PLAGL1: variants seen among roughly 807,000 people sequenced by gnomAD.
PLAGL1 encodes zinc finger protein PLAGL1.
Under a neutral mutation model 4.6 loss-of-function variants are expected in PLAGL1, and 1 was observed. That is an observed-to-expected ratio of 0.22 (90% confidence interval 0.08 to 1.03). PLAGL1 has a LOEUF of 1.03. PLAGL1 is among the 50% of genes least tolerant of loss of function. PLAGL1 has a pLI of 0.58. For missense variants in PLAGL1, 464 were observed against 570.4 expected (o/e 0.81, Z 1.90); for synonymous variants, 240 against 237.8 (o/e 1.01, Z -0.08).
In PLAGL1 at chr6:143,953,639, T is replaced by A. The variant is rs1781501600; in HGVS notation, c.-324-5179A>T. Among the ~76,000 whole-genome samples, 1 of 152,088 alleles carries A rather than the reference T, an allele frequency of 6.6e-6. No individual in the cohort carries two copies. Among genetic ancestry groups the A allele is most frequent in the Admixed American group, 6.5e-5 (1 of 15,278 alleles). On this transcript the variant is annotated intron_variant, in intron 6 of 7. Transcript: ENST00000674357. This position sits in a 1 kb window ranked among gnomAD's most constrained non-coding sequence, Gnocchi z 5.3. ...CTCTCTGAAAATTCTACTAAAACAG[T>A]AATAGTGGGATTTTTCTAAAACACA...
intron 1 of PLAGL1, among the ~76,000 whole-genome samples, chr6:144,049,342 T>G (rs1798413404): frequency 6.6e-6 from 1 of 152,242 alleles, no homozygotes; most frequent in Admixed American, 6.5e-5. Context: ...CTTCCTCATT[T>G]TTAAGTATCT....
At position 143,985,744 on chromosome 6, in the gene PLAGL1, C is replaced by G. The variant is rs1019839999; in HGVS notation, c.-583-570G>C. Among the ~76,000 whole-genome samples the G allele has an allele frequency of 1.3e-5, 2 of 151,684 alleles. No individual in the cohort carries two copies. The highest frequency in any genetic ancestry group is 2.9e-5 in the Non-Finnish European group (2 of 67,946). Reference sequence around the variant, plus strand: ...AGGGAGAAGTTTTTCTCATTGTTAGCATGGCATAGATCACTCATTTCAAAA... The same window carrying G: ...AGGGAGAAGTTTTTCTCATTGTTAGGATGGCATAGATCACTCATTTCAAAA... On this transcript the variant is annotated intron_variant, in intron 1 of 7. Transcript: ENST00000674357. The surrounding 1 kb of genome is among the most constrained non-coding windows in gnomAD (Gnocchi z 4.4).
At chr6:144,038,587 T>G (rs1430856737) in intron 1 of PLAGL1, among the ~76,000 whole-genome samples, 1 of 151,878 alleles carries the variant, frequency 6.6e-6, no homozygotes, top group Non-Finnish European at 1.5e-5. Flanking sequence ...GAAAGAATAG[T>G]TTTTTTTCAA....
At chr6:144,038,189 TA>T (rs1174766203) in intron 1 of PLAGL1, among the ~76,000 whole-genome samples, 1 of 152,176 alleles carries the variant, frequency 6.6e-6, no homozygotes, top group Non-Finnish European at 1.5e-5. Flanking sequence ...GCACAAAAAA[TA>T]AAGCTACATG....
chr6:144,007,416 C>T (rs1159274577), intron 1 of PLAGL1: 1 of 152,156 alleles, frequency 6.6e-6, no homozygotes, highest in Non-Finnish European at 1.5e-5. Context: ...AGGACCTAAG[C>T]TGGGTGTTTC....
intron 1 of PLAGL1, among the ~76,000 whole-genome samples, chr6:144,024,590 G>C (rs1025411182): frequency 6.6e-6 from 1 of 152,198 alleles, no homozygotes; most frequent in African/African-American, 2.4e-5. Flanking sequence ...GGAACTGTGA[G>C]TCAATTAAAT....
chr6:144,043,831 G>C (rs918843927), intron 1 of PLAGL1, among the ~76,000 whole-genome samples: 4 of 152,028 alleles, frequency 2.6e-5, no homozygotes, highest in African/African-American at 9.7e-5. Flanking sequence ...TTGGTAGGCT[G>C]TTAATTATTG....
At chr6:144,028,992 C>T (rs1185925618) in intron 1 of PLAGL1, among the ~76,000 whole-genome samples, 1 of 152,024 alleles carries the variant, frequency 6.6e-6, no homozygotes, top group Non-Finnish European at 1.5e-5. Context: ...TGATTCTGGT[C>T]TCAACTTGAA....
rs1270243322 is a variant in PLAGL1, at chr6:143,953,244, C to G, written c.-324-4784G>C. Among the ~76,000 whole-genome samples the G allele has an allele frequency of 6.6e-6, 1 of 152,220 alleles. No individual in the cohort carries two copies. Among genetic ancestry groups the G allele is most frequent in the Non-Finnish European group, 1.5e-5 (1 of 68,034 alleles). ...TTGAAGAGCTTTCACTCTAGTTTAT[C>G]CTCATTGTAGGAAGCACTACCTGCC... On this transcript the variant is annotated intron_variant, in intron 6 of 7. Coordinates refer to ENST00000674357, the MANE Select transcript of PLAGL1 (RefSeq NM_001317162.2). The surrounding 1 kb of genome is among the most constrained non-coding windows in gnomAD (Gnocchi z 5.3).
In PLAGL1 at chr6:143,948,357, G is replaced by T. The variant is rs1239286655; in HGVS notation, c.-221C>A. The T allele has an allele frequency of 4.0e-6, 2 of 503,622 alleles. No homozygotes were observed. Among genetic ancestry groups the T allele is most frequent in the African/African-American group, 1.9e-5 (1 of 52,014 alleles). The allele number at this position is 503,622 out of a possible 1,614,324, so 31.2% of individuals were successfully genotyped here. ...TTTCACACATCCCAGTTTACATGCAGTCTCAAGCTGAGGGGAGAAAGTCTG... is the reference window on the plus strand; with the variant it reads ...TTTCACACATCCCAGTTTACATGCATTCTCAAGCTGAGGGGAGAAAGTCTG... On this transcript the variant is annotated 5_prime_UTR_variant, in exon 7 of 8. It adds an upstream start codon to the 5' untranslated region. Transcript: ENST00000674357. The surrounding 1 kb of genome is among the most constrained non-coding windows in gnomAD (Gnocchi z 6.0).
chr6:144,009,895 C>T (rs1197253828), upstream of PLAGL1, among the ~76,000 whole-genome samples: 1 of 152,204 alleles, frequency 6.6e-6, no homozygotes, highest in African/African-American at 2.4e-5. Context: ...ATATGTGCCA[C>T]ATTTTCTTAA....
rs966874080 is a variant in PLAGL1 at position 144,050,164 on chromosome 6, T to C, written c.-151+14304A>G. On this transcript the variant is annotated intron_variant, in intron 1 of 3. Coordinates refer to the PLAGL1 transcript ENST00000437412. This position sits in a 1 kb window ranked among gnomAD's most constrained non-coding sequence, Gnocchi z 4.3. The stretch of plus-strand genomic sequence containing the variant: ...AAAATATTTATGTGTCTGGTGAGTT[T>C]TGAGGGAAATTGAGACCACCTAAGG... 6.6e-6 allele frequency among the ~76,000 whole-genome samples: 1 copy of C among 152,128 alleles called. No individual in the cohort carries two copies. Among genetic ancestry groups the C allele is most frequent in the Non-Finnish European group, 1.5e-5 (1 of 68,014 alleles).
At chr6:143,943,819 G>A (rs1404415790) in intron 7 of PLAGL1, among the ~76,000 whole-genome samples, 4 of 152,174 alleles carry the variant, frequency 2.6e-5, no homozygotes. Flanking sequence ...TATTTGTGAA[G>A]CAGAAATTAG....
In PLAGL1 at chr6:144,000,990, G is replaced by C. The variant is rs568219345; in HGVS notation, c.-584+7100C>G. Among the ~76,000 whole-genome samples the C allele has an allele frequency of 3.9e-5, 6 of 151,950 alleles. No homozygotes were observed. The South Asian group carries it at 1.0e-3, about 26-fold the overall frequency. On this transcript the variant is annotated intron_variant, in intron 1 of 7. Transcript: ENST00000674357. This position sits in a 1 kb window ranked among gnomAD's most constrained non-coding sequence, Gnocchi z 4.1. Reference sequence around the variant, plus strand: ...ATAACTCCTAGCTCTGTCCACAGAGGGCCAAGAAACAGTATCATCTCAATA... The same window carrying C: ...ATAACTCCTAGCTCTGTCCACAGAGCGCCAAGAAACAGTATCATCTCAATA...
rs1583165925 is a variant in PLAGL1, at chr6:143,955,631, A to T, written c.-325+4838T>A. Among the ~76,000 whole-genome samples the T allele has an allele frequency of 6.6e-6, 1 of 152,140 alleles. No individual in the cohort carries two copies. The highest frequency in any genetic ancestry group is 1.5e-5 in the Non-Finnish European group (1 of 68,028). ...AGAAAACTGACAAAACCAAACTACC[A>T]AGGGGAAAGGACGACCCAGGCGCTC... On this transcript the variant is annotated intron_variant, in intron 6 of 7. Coordinates refer to ENST00000674357, the MANE Select transcript of PLAGL1 (RefSeq NM_001317162.2). This position sits in a 1 kb window ranked among gnomAD's most constrained non-coding sequence, Gnocchi z 4.9.
chr6:143,944,760 G>A (rs933441642), intron 7 of PLAGL1, among the ~76,000 whole-genome samples: 1 of 150,426 alleles, frequency 6.6e-6, no homozygotes, highest in African/African-American at 2.5e-5. Flanking sequence ...GGGGGAGCTG[G>A]CTTACACACT....
At chr6:144,020,587 T>C (rs2328540) in intron 1 of PLAGL1, among the ~76,000 whole-genome samples, 150,921 of 151,818 alleles carry the variant, frequency 0.99, 75,014 homozygotes, top group Middle Eastern at 1. Flanking sequence ...CGCCCGGCCC[T>C]TTGTTTGTTT....
intron 1 of PLAGL1, among the ~76,000 whole-genome samples, chr6:144,014,512 C>G (rs1464018388): frequency 2.0e-5 from 3 of 152,046 alleles, no homozygotes; most frequent in Non-Finnish European, 4.4e-5. Context: ...CAGCAGGGTA[C>G]TGACATAAGA....
rs568968548 is a variant in PLAGL1, at chr6:143,984,075, G to T, written c.-544+1060C>A. Among the ~76,000 whole-genome samples the T allele has an allele frequency of 2.6e-5, 4 of 152,202 alleles. No individual in the cohort carries two copies. The South Asian group carries it at 8.3e-4, about 32-fold the overall frequency. On this transcript the variant is annotated intron_variant, in intron 2 of 7. Transcript: ENST00000674357. This position sits in a 1 kb window ranked among gnomAD's most constrained non-coding sequence, Gnocchi z 5.5. ...TACTTTCCAGATTTTAAATTTTTAT[G>T]TTGTCTTATAACTATATTTATAATA...
Sources: gnomAD v4.1 joint callset for allele counts (sites outside exome capture counted in the v4.1 genomes callset) on GRCh38, gnomAD v4.1.1 for gene constraint, Gnocchi (gnomAD v3.1) non-coding constraint, MANE v1.5 for transcripts, NCBI Gene and HGNC (gene_info 2026-07-23, HGNC 2026-07-21) for gene names.